MYO7B: variants seen among roughly 807,000 people sequenced by gnomAD.
The protein encoded by MYO7B is unconventional myosin-VIIb.
A neutral mutation model predicts 259.7 loss-of-function variants in MYO7B; 212 were observed. The ratio of observed to expected loss-of-function variants is 0.82; its 90% CI spans 0.73 to 0.91. The LOEUF (loss-of-function observed/expected upper bound fraction) is 0.91. Ranked by LOEUF, MYO7B falls within the 40% of genes least tolerant of loss-of-function variation. MYO7B has a pLI of 0.00. For synonymous variants in MYO7B, 1,197 were observed against 1,166.4 expected (o/e 1.03, Z -0.54); for missense variants, 2,732 against 2,813.5 (o/e 0.97, Z 0.66).
rs570998196 is a variant in MYO7B at position 127,637,493 on chromosome 2, C to T, written c.*76C>T. 4 of 1,124,824 alleles carry T rather than the reference C, an allele frequency of 3.6e-6. No individual in the cohort carries two copies. Among genetic ancestry groups the T allele is most frequent in the South Asian group, 3.3e-5 (2 of 59,776 alleles). 69.7% of individuals were successfully genotyped at this position (1,124,824 alleles called of 1,614,324 possible). A position where few individuals can be genotyped will look rare whatever the true frequency, so the allele number is the denominator to read the frequency against. On this transcript the variant is annotated 3_prime_UTR_variant, in exon 48 of 48. Coordinates refer to ENST00000409816, the MANE Select transcript of MYO7B (RefSeq NM_001393586.1). Reference sequence around the variant, plus strand: ...GCGGCACCTTCCCAGGCCCTCTCAACCCAGGGCCTGTCCTTGGCGGGCAGC... The same window carrying T: ...GCGGCACCTTCCCAGGCCCTCTCAATCCAGGGCCTGTCCTTGGCGGGCAGC...
chr2:127,611,724 T>C lies in MYO7B; in HGVS notation c.3193-526T>C, dbSNP rs375049338. 5.3e-5 allele frequency among the ~76,000 whole-genome samples: 8 copies of C among 152,326 alleles called. No homozygotes were observed. In the East Asian group the frequency reaches 1.5e-3, roughly 29 times the overall value. On this transcript the variant is annotated intron_variant, in intron 24 of 47. Coordinates refer to ENST00000409816, the MANE Select transcript of MYO7B (RefSeq NM_001393586.1). This position sits in a 1 kb window ranked among gnomAD's most constrained non-coding sequence, Gnocchi z 5.4. ...CGCCATCATGAGAAGGGGCGGCCTC[T>C]GCCTAAGGAGAGCAACAGATCGTAG...
chr2:127,607,107 CTG>C lies in MYO7B; in HGVS notation c.2425-97_2425-96del, dbSNP rs1306032812. ...CGGCCCTTTGCCAAAACAAAACTAA[CTG>C]TAAATCTATCTTGCACTGCCTCCTG... On this transcript the variant is annotated intron_variant, in intron 20 of 47. Transcript: ENST00000409816. The surrounding 1 kb of genome is among the most constrained non-coding windows in gnomAD (Gnocchi z 4.4). The C allele has an allele frequency of 8.5e-7, 1 of 1,176,828 alleles. No homozygotes were observed. The highest frequency in any genetic ancestry group is 2.7e-5 in the Admixed American group (1 of 37,440). 72.9% of individuals were successfully genotyped at this position (1,176,828 alleles called of 1,614,324 possible).
At position 127,574,101 on chromosome 2, in the gene MYO7B, T is replaced by C. The variant is rs772466728; in HGVS notation, c.735+39T>C. On this transcript the variant is annotated intron_variant, in intron 7 of 47. Coordinates refer to ENST00000409816, the MANE Select transcript of MYO7B (RefSeq NM_001393586.1). ...CTTCCCAGGTCGGGAGTTGAGGGAA[T>C]GGGGGAGGTTTCCAAGAGGGGCCCC... 1.2e-5 allele frequency: 20 copies of C among 1,610,474 alleles called. No individual in the cohort carries two copies. In the African/African-American group the frequency reaches 1.7e-4, roughly 14 times the overall value.
intron 1 of MYO7B, among the ~76,000 whole-genome samples, chr2:127,547,492 A>G (rs142241047): frequency 6.6e-5 from 10 of 152,320 alleles, no homozygotes; most frequent in African/African-American, 2.4e-4. Context: ...ACTGCATGAT[A>G]TTCAGTGTAC....
intron 5 of MYO7B, among the ~76,000 whole-genome samples, chr2:127,569,574 A>T (rs564900246): frequency 1.2e-4 from 18 of 152,156 alleles, no homozygotes; most frequent in Admixed American, 2.6e-4. Context: ...GCAGCCAAGC[A>T]CAGAAGAAAA....
rs190753363 is a variant in MYO7B at position 127,583,286 on chromosome 2, C to A, written c.1344-836C>A. On this transcript the variant is annotated intron_variant, in intron 12 of 47. Transcript: ENST00000409816. ...CTGAGAGTGATTTAGAAGGGCCCCC[C>A]TTGGACAGCCAGGATTGTCAAGACA... is the stretch of plus-strand genomic sequence containing the variant. Among the ~76,000 whole-genome samples the A allele has an allele frequency of 3.6e-3, 546 of 152,330 alleles. 3 individuals carry two copies. Among genetic ancestry groups the A allele is most frequent in the African/African-American group, 0.013 (525 of 41,578 alleles).
At position 127,637,486 on chromosome 2, in the gene MYO7B, C is replaced by T. The variant is rs1248330938; in HGVS notation, c.*69C>T. On this transcript the variant is annotated 3_prime_UTR_variant, in exon 48 of 48. Transcript: ENST00000409816. ...TAGCCTGGCGGCACCTTCCCAGGCC[C>T]TCTCAACCCAGGGCCTGTCCTTGGC... is the stretch of plus-strand genomic sequence containing the variant. 1.7e-6 allele frequency: 2 copies of T among 1,204,454 alleles called. No homozygotes were observed. The highest frequency in any genetic ancestry group is 2.3e-6 in the Non-Finnish European group (2 of 877,286). The allele number at this position is 1,204,454 out of a possible 1,614,324, so 74.6% of individuals were successfully genotyped here. A position where few individuals can be genotyped will look rare whatever the true frequency, so the allele number is the denominator to read the frequency against.
intron 5 of MYO7B, 83 bp downstream of exon 5, chr2:127,566,910 G>A (rs1339613192): frequency 7.0e-7 from 1 of 1,435,828 alleles, no homozygotes; most frequent in Non-Finnish European, 9.4e-7. Context: ...CAGGCGAGAT[G>A]AGAGCTCTCC....
At chr2:127,594,678 A>G (rs1679696852) in intron 18 of MYO7B, among the ~76,000 whole-genome samples, 1 of 152,194 alleles carries the variant, frequency 6.6e-6, no homozygotes, top group African/African-American at 2.4e-5. Context: ...TTTTTTTAAC[A>G]TAAAGCAATG....
rs138651379 is a variant in MYO7B at position 127,630,862 on chromosome 2, A to C, written c.4891A>C (p.Lys1631Gln). The C allele has an allele frequency of 0.03, 48,589 of 1,610,454 alleles. 1,210 individuals are homozygous for C. The highest frequency in any genetic ancestry group is 0.11 in the South Asian group (10,252 of 90,598). Residue 1631 changes from lysine (K) to glutamine (Q), a missense_variant, in exon 36 of 48, where the codon AAG becomes CAG. Physicochemically the swap from Lys to Gln is moderately conservative, Grantham distance 53. Around this residue, in one of 3 missense-constraint regions of MYO7B, gnomAD observed 821 missense variants for 769.3 expected, o/e 1.07. Coordinates refer to ENST00000409816, the MANE Select transcript of MYO7B (RefSeq NM_001393586.1). The stretch of plus-strand genomic sequence containing the variant: ...AGAGCCACGTCCTGAGGAGCCACCC[A>C]AGGAAAAGCTGCACACCCTGGAGGA... ...FTEPRPEEPP[K>Q]EKLHTLEEFS... is the part of the protein sequence containing the mutation.
At chr2:127,617,909 C>T (rs1443448451) in intron 26 of MYO7B, among the ~76,000 whole-genome samples, 2 of 150,158 alleles carry the variant, frequency 1.3e-5, no homozygotes, top group Admixed American at 1.3e-4. Flanking sequence ...TTATAGGACC[C>T]TATTGTCCCT....
At chr2:127,624,393 T>G in intron 30 of MYO7B, 73 bp downstream of exon 30, 1 of 1,365,416 alleles carries the variant, frequency 7.3e-7, no homozygotes, top group Non-Finnish European at 9.9e-7. Context: ...GGCACCCAAC[T>G]GGCTTCTGAG....
At chr2:127,596,269 G>C (rs1679766154) in intron 18 of MYO7B, among the ~76,000 whole-genome samples, 193 bp from the exon 19 acceptor site, 1 of 152,170 alleles carries the variant, frequency 6.6e-6, no homozygotes, top group African/African-American at 2.4e-5. Flanking sequence ...GAAGTTCTTG[G>C]ATTGGGGTGG....
chr2:127,569,675 G>C, intron 5 of MYO7B, 114 bp from the exon 6 acceptor site: 1 of 1,349,942 alleles, frequency 7.4e-7, no homozygotes, highest in Non-Finnish European at 1.0e-6. Flanking sequence ...CAGGGGAGAG[G>C]CCATCCCTGT....
chr2:127,586,530 T>C lies in MYO7B; in HGVS notation c.1690+1617T>C, dbSNP rs547790636. On this transcript the variant is annotated intron_variant, in intron 14 of 47. Transcript: ENST00000409816. The surrounding 1 kb of genome is among the most constrained non-coding windows in gnomAD (Gnocchi z 4.8). Reference sequence around the variant, plus strand: ...AGGGAAAGGTGCCGTGGCTCCTTCATAGTTCCTGCCACATCCTGGCTTTGG... The same window carrying C: ...AGGGAAAGGTGCCGTGGCTCCTTCACAGTTCCTGCCACATCCTGGCTTTGG... Among the ~76,000 whole-genome samples, 1 of 152,276 alleles carries C rather than the reference T, an allele frequency of 6.6e-6. No homozygotes were observed. Among genetic ancestry groups the C allele is most frequent in the African/African-American group, 2.4e-5 (1 of 41,572 alleles).
At chr2:127,567,883 G>A (rs1029516537) in intron 5 of MYO7B, among the ~76,000 whole-genome samples, 3 of 152,254 alleles carry the variant, frequency 2.0e-5, no homozygotes, top group Middle Eastern at 3.4e-3. Context: ...CAGCAGGGGA[G>A]AGGAAAGGGT....
At chr2:127,626,271 G>A (rs972795970) in intron 31 of MYO7B, 3 of 152,060 alleles carry the variant, frequency 2.0e-5, no homozygotes, top group African/African-American at 7.3e-5. Context: ...AGAAAGAAGA[G>A]AGGCACCCGG....
chr2:127,562,482 G>GTTTTTTTTTTTTTTTT (rs56290548), intron 2 of MYO7B, among the ~76,000 whole-genome samples: 1 of 61,190 alleles, frequency 1.6e-5, no homozygotes, highest in Non-Finnish European at 2.8e-5. Flanking sequence ...GGGTTTTATT[G>GTTTTTTTTTTTTTTTT]TTTTTTTTTT....
In MYO7B at chr2:127,559,647, C is replaced by A; in HGVS notation, c.-23-53C>A. The A allele has an allele frequency of 6.4e-7, 1 of 1,558,246 alleles. No homozygotes were observed. Among genetic ancestry groups the A allele is most frequent in the Non-Finnish European group, 8.9e-7 (1 of 1,129,488 alleles). On this transcript the variant is annotated intron_variant, in intron 1 of 47. Transcript: ENST00000409816. The surrounding 1 kb of genome is among the most constrained non-coding windows in gnomAD (Gnocchi z 4.1). The stretch of plus-strand genomic sequence containing the variant: ...AAGCCCAGCTCCTGTGCTCCAGGGG[C>A]TCCTATTGGGGCTGTGTATGGAGCT...
Sources: gnomAD v4.1 joint callset for allele counts (sites outside exome capture counted in the v4.1 genomes callset) on GRCh38, gnomAD v4.1.1 for gene constraint, gnomAD v4.1.1 regional missense constraint, Gnocchi (gnomAD v3.1) non-coding constraint, MANE v1.5 for transcripts, NCBI Gene and HGNC (gene_info 2026-07-23, HGNC 2026-07-21) for gene names.